STOX1: variants seen among roughly 807,000 people sequenced by gnomAD.
The protein encoded by STOX1 is storkhead-box protein 1.
In STOX1, 57 loss-of-function variants were observed where a neutral mutation model predicts 74.8. The ratio of observed to expected loss-of-function variants is 0.76; its 90% CI spans 0.62 to 0.95. The LOEUF is 0.95. Ranked by LOEUF, STOX1 falls within the 40% of genes least tolerant of loss-of-function variation. The probability of loss-of-function intolerance (pLI) is 0.00; values close to 1 mark genes in which losing one functional copy is unlikely to be tolerated. For missense variants in STOX1, 1,010 were observed against 1,117.0 expected (o/e 0.90, Z 1.37); for synonymous variants, 375 against 401.3 (o/e 0.93, Z 0.78).
intron 1 of STOX1, among the ~76,000 whole-genome samples, chr10:68,851,337 G>GAGAT (rs1026182629): frequency 1.3e-5 from 2 of 151,676 alleles, no homozygotes; most frequent in Non-Finnish European, 2.9e-5. Context: ...TGGAGAAAGG[G>GAGAT]AGATTCTAGG....
intron 1 of STOX1, among the ~76,000 whole-genome samples, chr10:68,873,346 C>T (rs1369250280): frequency 6.7e-6 from 1 of 148,900 alleles, no homozygotes; most frequent in East Asian, 2.0e-4. Context: ...CTGCAAGCTC[C>T]GCCTCCCGGG....
At chr10:68,870,805 G>A (rs1335067139) in intron 1 of STOX1, among the ~76,000 whole-genome samples, 3 of 152,114 alleles carry the variant, frequency 2.0e-5, no homozygotes, top group African/African-American at 4.8e-5. Context: ...AGTGACTGCC[G>A]TCCTCAGTCC....
chr10:68,880,937 G>A (rs900197960), intron 1 of STOX1, among the ~76,000 whole-genome samples: 4 of 151,996 alleles, frequency 2.6e-5, no homozygotes, highest in African/African-American at 7.2e-5. Context: ...CGGGTGATCC[G>A]CCCACCTCGG....
intron 1 of STOX1, among the ~76,000 whole-genome samples, chr10:68,864,073 C>T (rs977862121): frequency 2.6e-5 from 4 of 152,074 alleles, no homozygotes; most frequent in Non-Finnish European, 4.4e-5. Context: ...TATAGGCACC[C>T]GCCACCGCAC....
chr10:68,880,521 A>G lies in STOX1; in HGVS notation c.311-1437A>G, dbSNP rs116712365. On this transcript the variant is annotated intron_variant, in intron 1 of 3. Transcript: ENST00000298596. ...TGGCACCTTCCAATCAATAAATCCAATGGCTTTTCTCCTTCCTCAACCCTT... is the reference window on the plus strand; with the variant it reads ...TGGCACCTTCCAATCAATAAATCCAGTGGCTTTTCTCCTTCCTCAACCCTT... Among the ~76,000 whole-genome samples, 713 of 151,994 alleles carry G rather than the reference A, an allele frequency of 4.7e-3. 13 individuals are homozygous for G. The highest frequency in any genetic ancestry group is 0.016 in the African/African-American group (682 of 41,460).
chr10:68,845,155 T>A (rs1839806472), intron 1 of STOX1, among the ~76,000 whole-genome samples: 1 of 152,116 alleles, frequency 6.6e-6, no homozygotes, highest in African/African-American at 2.4e-5. Context: ...CGAGCTGAAG[T>A]GCAGTGGTGC....
downstream of STOX1, among the ~76,000 whole-genome samples, chr10:68,893,361 G>A (rs918599367): frequency 3.9e-5 from 6 of 152,284 alleles, no homozygotes; most frequent in Admixed American, 3.3e-4. Context: ...TGACAATGTC[G>A]AAAATTCCTG....
At chr10:68,843,319 A>G (rs890179017) in intron 1 of STOX1, among the ~76,000 whole-genome samples, 2 of 152,206 alleles carry the variant, frequency 1.3e-5, no homozygotes, top group African/African-American at 4.8e-5. Context: ...GCCGTGAGCC[A>G]CTGTACCTAG....
downstream of STOX1, among the ~76,000 whole-genome samples, chr10:68,894,838 A>G (rs1033419406): frequency 7.9e-5 from 12 of 152,220 alleles, no homozygotes; most frequent in African/African-American, 2.9e-4. Flanking sequence ...TGATCCTCCC[A>G]CTTTAGCCCC....
At chr10:68,855,124 A>AT (rs56333446) in intron 1 of STOX1, among the ~76,000 whole-genome samples, 15 of 136,464 alleles carry the variant, frequency 1.1e-4, no homozygotes, top group Admixed American at 1.4e-4. Flanking sequence ...TTAAAAAAAA[A>AT]TTTTTTTTTT....
At chr10:68,872,609 A>G (rs1347862600) in intron 1 of STOX1, among the ~76,000 whole-genome samples, 1 of 152,074 alleles carries the variant, frequency 6.6e-6, no homozygotes. Context: ...GGCCTCCCAA[A>G]GTGTTGGGAT....
chr10:68,845,559 C>T (rs1839819850), intron 1 of STOX1, among the ~76,000 whole-genome samples: 1 of 151,758 alleles, frequency 6.6e-6, no homozygotes, highest in Non-Finnish European at 1.5e-5. Flanking sequence ...CAGGCATGAG[C>T]CACCGCGCCC....
chr10:68,842,097 C>T (rs988550953), intron 1 of STOX1, among the ~76,000 whole-genome samples: 4 of 152,044 alleles, frequency 2.6e-5, no homozygotes, highest in African/African-American at 9.7e-5. Flanking sequence ...CAGAGCAGTC[C>T]TCCCCTTATA....
At chr10:68,883,041 C>A (rs1024296741) in intron 2 of STOX1, among the ~76,000 whole-genome samples, 1 of 152,012 alleles carries the variant, frequency 6.6e-6, no homozygotes, top group Admixed American at 6.6e-5. Context: ...ACCACAGGTG[C>A]GCACCACTCA....
chr10:68,851,252 G>A (rs1277366718), intron 1 of STOX1, among the ~76,000 whole-genome samples: 1 of 149,004 alleles, frequency 6.7e-6, no homozygotes, highest in Non-Finnish European at 1.5e-5. Flanking sequence ...GCAGTGAGCT[G>A]TCATTGTATC....
intron 1 of STOX1, among the ~76,000 whole-genome samples, chr10:68,840,601 C>T (rs1224720442): frequency 1.3e-5 from 2 of 152,012 alleles, no homozygotes; most frequent in Non-Finnish European, 2.9e-5. Flanking sequence ...CATTCTGTCA[C>T]ACAGGCTGGA....
Position 68,884,920 on chromosome 10 carries a change from T to C in STOX1, c.1124T>C (p.Ile375Thr). 3 of 1,614,014 alleles carry C rather than the reference T, an allele frequency of 1.9e-6. No individual in the cohort carries two copies. Among genetic ancestry groups the C allele is most frequent in the Non-Finnish European group, 2.5e-6 (3 of 1,180,000 alleles). Residue 375 changes from isoleucine (I) to threonine (T), a missense_variant, in exon 3 of 4, where the codon ATC (isoleucine) becomes ACC (threonine). Coordinates refer to ENST00000298596, the MANE Select transcript of STOX1 (RefSeq NM_152709.5). ...CCCATTTTGACTGTTGACAATTTAA[T>C]CAAACACACTGTCCTAATGCAAAAA... ...INPILTVDNL[I>T]KHTVLMQKYE...
intron 1 of STOX1, among the ~76,000 whole-genome samples, chr10:68,864,261 A>G (rs1447218748): frequency 6.6e-6 from 1 of 152,162 alleles, no homozygotes; most frequent in Non-Finnish European, 1.5e-5. Context: ...GGCCGTCCGA[A>G]AAACTTTACC....
chr10:68,887,140 A>T, intron 3 of STOX1, among the ~76,000 whole-genome samples: 1 of 152,164 alleles, frequency 6.6e-6, no homozygotes, highest in East Asian at 1.9e-4. Flanking sequence ...ACCAAATTTG[A>T]CTGTCCCCAC....
Sources: gnomAD v4.1 joint callset for allele counts (sites outside exome capture counted in the v4.1 genomes callset) on GRCh38, gnomAD v4.1.1 for gene constraint, MANE v1.5 for transcripts, NCBI Gene and HGNC (gene_info 2026-07-23, HGNC 2026-07-21) for gene names.